The following ADCY10 variants were observed in gnomAD, a reference collection of about 807,000 sequenced individuals.
ADCY10 encodes the protein adenylate cyclase 10, also known as adenylate cyclase type 10.
ADCY10 carries 156 observed loss-of-function variants against 183.3 expected under a neutral mutation model. The ratio of observed to expected loss-of-function variants is 0.85; its 90% CI spans 0.75 to 0.97. ADCY10 has a LOEUF of 0.97. Among genes scored for constraint, ADCY10 ranks in the 50% least tolerant of loss-of-function variants. The pLI, the probability that ADCY10 is intolerant of heterozygous loss-of-function variation, is 0.00. For missense variants in ADCY10, 1,745 were observed against 1,934.3 expected (o/e 0.90, Z 1.84); for synonymous variants, 645 against 670.0 (o/e 0.96, Z 0.58).
intron 31 of ADCY10, among the ~76,000 whole-genome samples, chr1:167,817,725 G>A (rs550004933): frequency 6.6e-6 from 1 of 152,246 alleles, no homozygotes; most frequent in African/African-American, 2.4e-5. Flanking sequence ...TCATATATCT[G>A]TAAGATAAAG....
intron 31 of ADCY10, among the ~76,000 whole-genome samples, chr1:167,816,191 A>G (rs1457835905): frequency 6.6e-6 from 1 of 152,162 alleles, no homozygotes; most frequent in Non-Finnish European, 1.5e-5. Context: ...ACCATGTAGG[A>G]TATATGCCCC....
At chr1:167,903,388 A>AC (rs1436303936) in intron 3 of ADCY10, among the ~76,000 whole-genome samples, 1 of 152,078 alleles carries the variant, frequency 6.6e-6, no homozygotes, top group Admixed American at 6.6e-5. Context: ...ACATGGTGAG[A>AC]CCCCATCTCT....
At chr1:167,899,239 C>T (rs1669220110) in intron 6 of ADCY10, among the ~76,000 whole-genome samples, 184 bp downstream of exon 6, 1 of 152,216 alleles carries the variant, frequency 6.6e-6, no homozygotes, top group African/African-American at 2.4e-5. Flanking sequence ...CTCAAGCTCA[C>T]CAGCCTGGGC....
intron 17 of ADCY10, among the ~76,000 whole-genome samples, chr1:167,854,953 C>T (rs1430356169): frequency 6.6e-6 from 1 of 152,128 alleles, no homozygotes; most frequent in Non-Finnish European, 1.5e-5. Flanking sequence ...AACCTCATTG[C>T]AGATACTAAG....
chr1:167,842,334 AC>A (rs1664709404), intron 21 of ADCY10, among the ~76,000 whole-genome samples: 3 of 152,156 alleles, frequency 2.0e-5, no homozygotes, highest in Admixed American at 2.0e-4. Flanking sequence ...TTTTGTAGAG[AC>A]AGAGTCTCAG....
At chr1:167,884,734 G>GT (rs1467119690) in intron 8 of ADCY10, among the ~76,000 whole-genome samples, 2 of 126,302 alleles carry the variant, frequency 1.6e-5, no homozygotes, top group African/African-American at 6.2e-5. Context: ...GTCTCGCTCT[G>GT]TTGCTCAGGC....
At chr1:167,894,029 T>TTGGGCAG in intron 7 of ADCY10, 88 bp from the exon 8 acceptor site, 1 of 885,418 alleles carries the variant, frequency 1.1e-6, no homozygotes, top group Non-Finnish European at 1.9e-6. Flanking sequence ...CCCTATTCTC[T>TTGGGCAG]TGGGCAGTGG....
chr1:167,854,389 C>T lies in ADCY10; in HGVS notation c.2272G>A (p.Glu758Lys). ...TTCCAGGTCCTATTTGTCTTTTCCT[C>T]AGACTCCGTTTGTTGGAAAACGAGT... ...EVLVFQQTESEEKTNRTWNNL... is the reference protein window; with the variant it reads ...EVLVFQQTESKEKTNRTWNNL... Residue 758 changes from glutamate to lysine, a missense_variant, in exon 18 of 33, where the codon GAG (glutamate) becomes AAG (lysine). Physicochemically the swap from Glu to Lys is moderately conservative, Grantham distance 56. Transcript: ENST00000367851. 1 of 1,614,202 alleles carries T rather than the reference C, an allele frequency of 6.2e-7. No homozygotes were observed.
rs114565660 is a variant in ADCY10, at chr1:167,854,276, A to G, written c.2308+77T>C. The G allele has an allele frequency of 1.6e-5, 25 of 1,596,560 alleles. No homozygotes were observed. The Admixed American group carries it at 4.2e-4, about 27-fold the overall frequency. On this transcript the variant is annotated intron_variant, in intron 18 of 32. Transcript: ENST00000367851. Reference sequence around the variant, plus strand: ...CAGGAAGCAGCCTGTGGAATAGCTCATTTTTGCTACCTTCTCTGAATGAAG... The same window carrying G: ...CAGGAAGCAGCCTGTGGAATAGCTCGTTTTTGCTACCTTCTCTGAATGAAG...
intron 5 of ADCY10, among the ~76,000 whole-genome samples, chr1:167,901,277 T>A (rs1014126280): frequency 2.0e-5 from 3 of 152,182 alleles, no homozygotes; most frequent in Admixed American, 2.0e-4. Flanking sequence ...CAGTCTCATG[T>A]CGTTGCTGAA....
intron 8 of ADCY10, among the ~76,000 whole-genome samples, chr1:167,892,120 G>A (rs140456934): frequency 3.9e-4 from 60 of 151,960 alleles, no homozygotes; most frequent in African/African-American, 7.2e-4. Flanking sequence ...CTACAGGCAC[G>A]TGCCACCACA....
At position 167,820,322 on chromosome 1, in the gene ADCY10, C is replaced by CG. The variant is rs915285794; in HGVS notation, c.4286+1701dup. 6.0e-5 allele frequency: 64 copies of CG among 1,060,832 alleles called. 1 individual carries two copies. In the Middle Eastern group the frequency reaches 9.4e-4, roughly 16 times the overall value. 65.7% of individuals were successfully genotyped at this position (1,060,832 alleles called of 1,614,324 possible). On this transcript the variant is annotated intron_variant, in intron 30 of 32. Transcript: ENST00000367851. ...CCAAGTCTCTGGGAAGGGGACTAGC[C>CG]GGCCTTGAGGGGCGGGGCCGGCCAG...
rs368735411 is a variant in ADCY10 at position 167,866,750 on chromosome 1, TA to T, written c.1616+3506del. On this transcript the variant is annotated intron_variant, in intron 14 of 32. Transcript: ENST00000367851. ...TCCACAGATATAAAGAAAGTTCACT[TA>T]AAAAAAAAAAAAAAAGAATGGTTAT... Among the ~76,000 whole-genome samples, 925 of 122,992 alleles carry T rather than the reference TA, an allele frequency of 7.5e-3. 2 individuals are homozygous for T. The highest frequency in any genetic ancestry group is 0.014 in the African/African-American group (492 of 34,712). 80.7% of individuals were successfully genotyped at this position (122,992 alleles called of 152,430 possible). A position where few individuals can be genotyped will look rare whatever the true frequency, so the allele number is the denominator to read the frequency against.
intron 1 of ADCY10, among the ~76,000 whole-genome samples, chr1:167,911,469 T>G (rs1320228865): frequency 1.3e-5 from 2 of 152,218 alleles, no homozygotes; most frequent in Admixed American, 1.3e-4. Flanking sequence ...TTTAAAAGTA[T>G]TTTTACTTTT....
At chr1:167,876,612 T>A (rs1667485901) in intron 12 of ADCY10, among the ~76,000 whole-genome samples, 1 of 152,222 alleles carries the variant, frequency 6.6e-6, no homozygotes, top group Non-Finnish European at 1.5e-5. Flanking sequence ...TCATACTGTG[T>A]GTGTATTTCT....
rs35325340 is a variant in ADCY10 at position 167,892,652 on chromosome 1, G to A, written c.828+1201C>T. Among the ~76,000 whole-genome samples the A allele has an allele frequency of 2.7e-3, 416 of 152,274 alleles. 1 individual carries two copies. The highest frequency in any genetic ancestry group is 4.7e-3 in the Non-Finnish European group (319 of 68,020). On this transcript the variant is annotated intron_variant, in intron 8 of 32. Coordinates refer to ENST00000367851, the MANE Select transcript of ADCY10 (RefSeq NM_018417.6). The stretch of plus-strand genomic sequence containing the variant: ...AAGCCATGAAGAGTCAAGCAATGCA[G>A]GCACTAGGGGTAATGTTTTTACAAT...
Position 167,845,802 on chromosome 1 carries a change from C to T in ADCY10, c.2768G>A (p.Cys923Tyr). The change falls in exon 21 of 33, where the codon TGC becomes TAC. Residue 923 changes from cysteine (C) to tyrosine (Y), a missense_variant. Physicochemically the swap from Cys to Tyr is radical, Grantham distance 194. Coordinates refer to ENST00000367851, the MANE Select transcript of ADCY10 (RefSeq NM_018417.6). ...AGGGTTACAGAATCGAATCCTGTGG[C>T]ACTCGATCACCTCATTCTCCAGTTC... ...LRELENEVIE[C>Y]HRIRFCNPMM... 6.2e-7 allele frequency: 1 copy of T among 1,614,172 alleles called. No homozygotes were observed. The highest frequency in any genetic ancestry group is 8.5e-7 in the Non-Finnish European group (1 of 1,180,022).
intron 19 of ADCY10, 100 bp from the exon 20 acceptor site, chr1:167,846,363 T>C: frequency 6.8e-7 from 1 of 1,461,050 alleles, no homozygotes; most frequent in Non-Finnish European, 9.6e-7. Flanking sequence ...TGCTCTACAG[T>C]TCTTGTTGCA....
At chr1:167,880,451 G>A (rs1464407331) in intron 10 of ADCY10, 40 bp downstream of exon 10, 1 of 1,452,992 alleles carries the variant, frequency 6.9e-7, no homozygotes, top group Non-Finnish European at 9.7e-7. Flanking sequence ...TGCCTCAAAA[G>A]GGTCAGGGAC....
Sources: allele counts gnomAD v4.1 joint callset (sites outside exome capture counted in the v4.1 genomes callset), GRCh38; gene constraint gnomAD v4.1.1; transcripts MANE v1.5; gene names NCBI Gene and HGNC (gene_info 2026-07-23, HGNC 2026-07-21).